ZFYVE16: variants seen among roughly 807,000 people sequenced by gnomAD.
ZFYVE16 encodes zinc finger FYVE domain-containing protein 16.
A neutral mutation model predicts 138.1 loss-of-function variants in ZFYVE16; 89 were observed. The observed-to-expected ratio is 0.64, with a 90% CI of 0.54 to 0.77. The LOEUF (loss-of-function observed/expected upper bound fraction) is 0.77. ZFYVE16 is among the 30% of genes least tolerant of loss of function. ZFYVE16 has a pLI of 0.00. For synonymous variants in ZFYVE16, 596 were observed against 618.3 expected, an observed-to-expected ratio of 0.96 and a Z score of 0.53; for missense variants, 1,793 against 1,786.7, an observed-to-expected ratio of 1.00 and a Z score of -0.06.
At chr5:80,465,091 T>C (rs1753539404) in intron 15 of ZFYVE16, among the ~76,000 whole-genome samples, 1 of 152,096 alleles carries the variant, frequency 6.6e-6, no homozygotes, top group African/African-American at 2.4e-5. Flanking sequence ...AATACATTTA[T>C]GTTCTTATAT....
At chr5:80,447,950 G>C (rs1205735803) in intron 7 of ZFYVE16, 76 bp from the exon 8 acceptor site, 4 of 1,274,942 alleles carry the variant, frequency 3.1e-6, no homozygotes, top group African/African-American at 1.5e-5. Flanking sequence ...GATATGTTTG[G>C]CTATAGTGAT....
intron 7 of ZFYVE16, 63 bp downstream of exon 7, chr5:80,445,468 G>C (rs1384713481): frequency 6.8e-7 from 1 of 1,472,244 alleles, no homozygotes; most frequent in Admixed American, 2.1e-5. Flanking sequence ...ATAATTCCTG[G>C]TGTGATTATT....
At position 80,443,170 on chromosome 5, in the gene ZFYVE16, T is replaced by G. The variant is rs573572696; in HGVS notation, c.2467T>G (p.Ser823Ala). Residue 823 changes from serine to alanine, a missense_variant, in exon 6 of 19, where the codon TCT becomes GCT. Physicochemically the swap from Ser to Ala is moderately conservative, Grantham distance 99. Around this residue, in one of 2 missense-constraint regions of ZFYVE16, gnomAD observed 1,295 missense variants for 1,204.3 expected, o/e 1.08. Coordinates refer to ENST00000505560, the MANE Select transcript of ZFYVE16 (RefSeq NM_001284236.3). Reference protein sequence around the residue: ...MMSPTGSNLKSNHSDECTTVQ... With the variant: ...MMSPTGSNLKANHSDECTTVQ... The stretch of plus-strand genomic sequence containing the variant: ...GAGTCCAACTGGTTCTAATCTTAAG[T>G]CTAATCATTCTGATGAATGTACTAC... The G allele has an allele frequency of 5.0e-6, 8 of 1,601,592 alleles. No homozygotes were observed. In the African/African-American group the frequency reaches 1.1e-4, roughly 22 times the overall value.
At chr5:80,428,162 A>G (rs548013017) in intron 2 of ZFYVE16, among the ~76,000 whole-genome samples, 1 of 152,150 alleles carries the variant, frequency 6.6e-6, no homozygotes, top group East Asian at 1.9e-4. Context: ...TGTCTCCTCA[A>G]GTGGGTCCCT....
intron 11 of ZFYVE16, chr5:80,454,050 A>T (rs1752256882): frequency 6.6e-6 from 1 of 152,152 alleles, no homozygotes; most frequent in Admixed American, 6.6e-5. Flanking sequence ...CATTTCCTTT[A>T]TCGTTTTTAT....
In ZFYVE16 at chr5:80,418,293, C is replaced by CCTCCCCTCCCTTCCCCTCCT. The variant is rs1281101873; in HGVS notation, c.-93-9192_-93-9191insCCCTTCCCCTCCTCTCCCCT. On this transcript the variant is annotated intron_variant, in intron 1 of 18. Coordinates refer to ENST00000505560, the MANE Select transcript of ZFYVE16 (RefSeq NM_001284236.3). ...TGCTCTTTCTTTTCCCTTCCCCTCCCCTCCCCTGCCCTCCCCTCCCCTCCC... is the reference window on the plus strand; with the variant it reads ...TGCTCTTTCTTTTCCCTTCCCCTCCCCTCCCCTCCCTTCCCCTCCTCTCCCCTGCCCTCCCCTCCCCTCCC... Among the ~76,000 whole-genome samples the CCTCCCCTCCCTTCCCCTCCT allele has an allele frequency of 3.0e-3, 407 of 137,126 alleles. 2 individuals are homozygous for CCTCCCCTCCCTTCCCCTCCT. Among genetic ancestry groups the CCTCCCCTCCCTTCCCCTCCT allele is most frequent in the African/African-American group, 0.011 (378 of 35,620 alleles). 90.0% of individuals were successfully genotyped at this position (137,126 alleles called of 152,430 possible). A position where few individuals can be genotyped will look rare whatever the true frequency, so the allele number is the denominator to read the frequency against.
At chr5:80,459,073 G>T (rs978920650) in intron 14 of ZFYVE16, among the ~76,000 whole-genome samples, 5 of 151,986 alleles carry the variant, frequency 3.3e-5, no homozygotes, top group Admixed American at 2.6e-4. Flanking sequence ...GATTATAGGC[G>T]CCTGCCACCA....
intron 1 of ZFYVE16, among the ~76,000 whole-genome samples, chr5:80,411,134 A>ATTTTTTTTTTTTTTT (rs58086060): frequency 2.1e-5 from 2 of 95,242 alleles, no homozygotes; most frequent in African/African-American, 8.0e-5. Flanking sequence ...CGCCCAGCTA[A>ATTTTTTTTTTTTTTT]TTTTTTTTTT....
rs772057054 is a variant in ZFYVE16 at position 80,482,985 on chromosome 5, C to G, written c.*5608C>G. 1 of 152,142 alleles carries G rather than the reference C, an allele frequency of 6.6e-6. No individual in the cohort carries two copies. The highest frequency in any genetic ancestry group is 1.5e-5 in the Non-Finnish European group (1 of 68,080). The allele number at this position is 152,142 out of a possible 1,614,324, so 9.4% of individuals were successfully genotyped here. On this transcript the variant is annotated 3_prime_UTR_variant, in exon 19 of 19. Transcript: ENST00000505560. ...GTTCAAGCAGTTCTCCTGTCTGAGCCTCCAGAGGAGTAGCTGGGATTACAG... is the reference window on the plus strand; with the variant it reads ...GTTCAAGCAGTTCTCCTGTCTGAGCGTCCAGAGGAGTAGCTGGGATTACAG...
chr5:80,462,582 A>T (rs975633671), intron 15 of ZFYVE16, among the ~76,000 whole-genome samples: 3 of 152,080 alleles, frequency 2.0e-5, no homozygotes, highest in Admixed American at 2.0e-4. Context: ...TAACTATATC[A>T]TTCCTCCCCT....
At chr5:80,461,966 A>G (rs1753170982) in intron 15 of ZFYVE16, among the ~76,000 whole-genome samples, 1 of 152,036 alleles carries the variant, frequency 6.6e-6, no homozygotes, top group Non-Finnish European at 1.5e-5. Context: ...AGACTGTCTC[A>G]AAAAACAAAA....
chr5:80,473,834 A>G lies in ZFYVE16; in HGVS notation c.4268A>G (p.Asp1423Gly). 6.2e-7 allele frequency: 1 copy of G among 1,613,210 alleles called. No individual in the cohort carries two copies. Among genetic ancestry groups the G allele is most frequent in the Non-Finnish European group, 8.5e-7 (1 of 1,179,462 alleles). The change falls in exon 17 of 19, where the codon GAT becomes GGT. Residue 1423 changes from aspartate to glycine, a missense_variant. This residue lies in a region of ZFYVE16 where 498 missense variants were observed against 582.4 expected (regional missense o/e 0.86). Coordinates refer to ENST00000505560, the MANE Select transcript of ZFYVE16 (RefSeq NM_001284236.3). Reference sequence around the variant, plus strand: ...AAACTGGAAGCAGATTTTGAAACCGATGAGAAGATTGTAAAATGTACCGAG... The same window carrying G: ...AAACTGGAAGCAGATTTTGAAACCGGTGAGAAGATTGTAAAATGTACCGAG... Reference protein sequence around the residue: ...KIKLEADFETDEKIVKCTEVF... With the variant: ...KIKLEADFETGEKIVKCTEVF...
chr5:80,464,838 T>G (rs1753509809), intron 15 of ZFYVE16, among the ~76,000 whole-genome samples: 1 of 152,220 alleles, frequency 6.6e-6, no homozygotes, highest in Non-Finnish European at 1.5e-5. Flanking sequence ...TATTTCTTAG[T>G]TGTTGCCATA....
At chr5:80,459,796 A>G (rs770241967) in intron 15 of ZFYVE16, among the ~76,000 whole-genome samples, 3 of 152,192 alleles carry the variant, frequency 2.0e-5, no homozygotes, top group Non-Finnish European at 4.4e-5. Context: ...TAAAAGTGAA[A>G]TCATTCTTCA....
intron 7 of ZFYVE16, among the ~76,000 whole-genome samples, chr5:80,447,761 TC>T (rs1286738980): frequency 6.6e-6 from 1 of 152,206 alleles, no homozygotes; most frequent in Non-Finnish European, 1.5e-5. Context: ...CCTCATTTTT[TC>T]CAATCTTAAT....
At chr5:80,441,395 T>G (rs1750693077) in intron 5 of ZFYVE16, 1 of 985,266 alleles carries the variant, frequency 1.0e-6, no homozygotes, top group Admixed American at 6.1e-5. Flanking sequence ...GCTTATTTAG[T>G]TATCTGTTCA....
At chr5:80,430,875 C>G (rs1431175529) in intron 2 of ZFYVE16, among the ~76,000 whole-genome samples, 1 of 152,160 alleles carries the variant, frequency 6.6e-6, no homozygotes, top group Non-Finnish European at 1.5e-5. Context: ...TACACCCTCC[C>G]AGGACTAAAC....
intron 6 of ZFYVE16, among the ~76,000 whole-genome samples, chr5:80,443,618 C>G (rs1353723643): frequency 1.3e-5 from 2 of 152,130 alleles, no homozygotes; most frequent in Non-Finnish European, 2.9e-5. Context: ...CATGAAGAGG[C>G]CTCATATAGT....
chr5:80,439,804 G>A, intron 4 of ZFYVE16, 132 bp from the exon 5 acceptor site: 1 of 503,244 alleles, frequency 2.0e-6, no homozygotes, highest in Non-Finnish European at 3.3e-6. Context: ...TATGATTATG[G>A]TGATTAGGAA....
Sources: allele counts gnomAD v4.1 joint callset (sites outside exome capture counted in the v4.1 genomes callset), GRCh38; gene constraint gnomAD v4.1.1; regional missense constraint gnomAD v4.1.1; transcripts MANE v1.5; gene names NCBI Gene and HGNC (gene_info 2026-07-23, HGNC 2026-07-21).